FBXL7: variants seen among roughly 807,000 people sequenced by gnomAD.
FBXL7 encodes the protein F-box and leucine rich repeat protein 7.
In FBXL7, 12 loss-of-function variants were observed where a neutral mutation model predicts 38.3. The observed-to-expected ratio is 0.31, with a 90% CI of 0.20 to 0.51. The LOEUF (loss-of-function observed/expected upper bound fraction) is 0.51, where lower values mean the gene tolerates loss of function less well. Among genes scored for constraint, FBXL7 ranks in the 20% least tolerant of loss-of-function variants. The pLI is 0.98. For synonymous variants in FBXL7, 297 were observed against 300.9 expected, an observed-to-expected ratio of 0.99 and a Z score of 0.13; for missense variants, 567 against 676.4, an observed-to-expected ratio of 0.84 and a Z score of 1.79.
At position 15,894,014 on chromosome 5, in the gene FBXL7, G is replaced by A. The variant is rs534840422; in HGVS notation, c.128-33876G>A. Among the ~76,000 whole-genome samples, 7 of 152,370 alleles carry A rather than the reference G, an allele frequency of 4.6e-5. No individual in the cohort carries two copies. In the East Asian group the frequency reaches 5.8e-4, roughly 13 times the overall value. On this transcript the variant is annotated intron_variant, in intron 2 of 3. Coordinates refer to ENST00000504595, the MANE Select transcript of FBXL7 (RefSeq NM_012304.5). ...CATAGAATATTAGTCCCAGCCAGGC[G>A]CGGTGGCTTACGCCTGTAATCCCAA...
rs149945953 is a variant in FBXL7, at chr5:15,775,937, A to G, written c.128-151953A>G. 3.1e-3 allele frequency among the ~76,000 whole-genome samples: 466 copies of G among 152,256 alleles called. 4 individuals are homozygous for G. The Middle Eastern group carries it at 0.031, about 10-fold the overall frequency. On this transcript the variant is annotated intron_variant, in intron 2 of 3. Coordinates refer to ENST00000504595, the MANE Select transcript of FBXL7 (RefSeq NM_012304.5). ...ATCTGATTATGTGTTTTTCTACTTGAAGAGACTACGTTTTTAACTAGTAAG... is the reference window on the plus strand; with the variant it reads ...ATCTGATTATGTGTTTTTCTACTTGGAGAGACTACGTTTTTAACTAGTAAG...
At chr5:15,883,901 A>G (rs1008153857) in intron 2 of FBXL7, among the ~76,000 whole-genome samples, 11 of 152,248 alleles carry the variant, frequency 7.2e-5, no homozygotes, top group African/African-American at 2.7e-4. Context: ...TTAATTTTGT[A>G]TAAGGAAAGT....
At chr5:15,852,465 T>C (rs1739125408) in intron 2 of FBXL7, among the ~76,000 whole-genome samples, 1 of 152,188 alleles carries the variant, frequency 6.6e-6, no homozygotes, top group Non-Finnish European at 1.5e-5. Context: ...AGAAAGGGAA[T>C]CATTTGATAA....
chr5:15,769,805 A>G (rs1164212035), intron 2 of FBXL7, among the ~76,000 whole-genome samples: 1 of 152,058 alleles, frequency 6.6e-6, no homozygotes, highest in Non-Finnish European at 1.5e-5. Context: ...TAATAATACC[A>G]TATCAGTGTT....
At chr5:15,900,438 A>G (rs1707330315) in intron 2 of FBXL7, among the ~76,000 whole-genome samples, 1 of 152,210 alleles carries the variant, frequency 6.6e-6, no homozygotes, top group African/African-American at 2.4e-5. Flanking sequence ...TCGTGGTGCC[A>G]CTAGCCAAGC....
intron 2 of FBXL7, among the ~76,000 whole-genome samples, chr5:15,745,341 A>T (rs534481393): frequency 6.6e-6 from 1 of 152,322 alleles, no homozygotes; most frequent in South Asian, 2.1e-4. Context: ...GAAATAAAGC[A>T]ATTTATTTAA....
At chr5:15,833,068 T>C (rs553106193) in intron 2 of FBXL7, among the ~76,000 whole-genome samples, 72 of 152,318 alleles carry the variant, frequency 4.7e-4, no homozygotes, top group Admixed American at 2.7e-3. Context: ...ACCATGATTG[T>C]GAAGCCTCCC....
At chr5:15,764,066 C>G (rs928636988) in intron 2 of FBXL7, among the ~76,000 whole-genome samples, 4 of 152,176 alleles carry the variant, frequency 2.6e-5, no homozygotes, top group African/African-American at 7.2e-5. Context: ...GTCTCACAGA[C>G]AGTTTGAGTC....
rs1337791835 is a variant in FBXL7 at position 15,825,640 on chromosome 5, A to G, written c.128-102250A>G. 2.0e-5 allele frequency among the ~76,000 whole-genome samples: 3 copies of G among 152,190 alleles called. No homozygotes were observed. The East Asian group carries it at 5.8e-4, about 29-fold the overall frequency. ...TGTTGTAATATATAAAGCTATGGAA[A>G]TTTTATTTTAAGTGTTTCTTAATTT... On this transcript the variant is annotated intron_variant, in intron 2 of 3. Coordinates refer to ENST00000504595, the MANE Select transcript of FBXL7 (RefSeq NM_012304.5).
intron 2 of FBXL7, among the ~76,000 whole-genome samples, chr5:15,619,910 G>T (rs968246022): frequency 3.3e-5 from 5 of 152,204 alleles, no homozygotes; most frequent in African/African-American, 1.2e-4. Context: ...CCACACAGGT[G>T]TTGTCACTTC....
chr5:15,723,737 A>G (rs1744267026), intron 2 of FBXL7, among the ~76,000 whole-genome samples: 1 of 152,182 alleles, frequency 6.6e-6, no homozygotes, highest in African/African-American at 2.4e-5. Flanking sequence ...TTACTTTTTT[A>G]TAATGGTTGT....
At chr5:15,636,680 CTTT>C (rs35974559) in intron 2 of FBXL7, among the ~76,000 whole-genome samples, 18 of 134,156 alleles carry the variant, frequency 1.3e-4, no homozygotes, top group Non-Finnish European at 1.4e-4. Flanking sequence ...GGGCTAAAAC[CTTT>C]TTTTTTTTTT....
chr5:15,826,629 G>T (rs1474347101), intron 2 of FBXL7, among the ~76,000 whole-genome samples: 3 of 152,006 alleles, frequency 2.0e-5, no homozygotes, highest in Non-Finnish European at 2.9e-5. Context: ...ATGTTGGCCA[G>T]GCTGGTCCCA....
At position 15,787,598 on chromosome 5, in the gene FBXL7, T is replaced by G. The variant is rs918831977; in HGVS notation, c.128-140292T>G. 7.9e-5 allele frequency among the ~76,000 whole-genome samples: 12 copies of G among 152,180 alleles called. No individual in the cohort carries two copies. The East Asian group carries it at 2.3e-3, about 29-fold the overall frequency. ...AGAAATACAGAGAGCCTGAATTCAG[T>G]CAAATAGAGAGGTACTCTGTTGTTA... On this transcript the variant is annotated intron_variant, in intron 2 of 3. Coordinates refer to ENST00000504595, the MANE Select transcript of FBXL7 (RefSeq NM_012304.5).
At chr5:15,742,424 C>T (rs920439489) in intron 2 of FBXL7, among the ~76,000 whole-genome samples, 51 of 152,266 alleles carry the variant, frequency 3.3e-4, no homozygotes, top group African/African-American at 1.2e-3. Flanking sequence ...AGCTGAAGAA[C>T]GAATCTTATG....
In FBXL7 at chr5:15,912,207, G is replaced by A; in HGVS notation, c.128-15683G>A. Among the ~76,000 whole-genome samples, 2 of 63,454 alleles carry A rather than the reference G, an allele frequency of 3.2e-5. 1 individual carries two copies. Among genetic ancestry groups the A allele is most frequent in the East Asian group, 6.9e-4 (2 of 2,902 alleles). The allele number at this position is 63,454 out of a possible 152,430, so 41.6% of individuals were successfully genotyped here. On this transcript the variant is annotated intron_variant, in intron 2 of 3. Transcript: ENST00000504595. ...GTGGGCGTAGGACCCTCTGAGCCAG[G>A]TGTGGGATATAGTCTCGTGGTGCGC...
chr5:15,597,569 A>C (rs2126488775), intron 1 of FBXL7, among the ~76,000 whole-genome samples: 1 of 152,142 alleles, frequency 6.6e-6, no homozygotes, highest in East Asian at 1.9e-4. Context: ...AGGCCTACAA[A>C]TTACGTTCCA....
chr5:15,661,491 G>A (rs977572580), intron 2 of FBXL7, among the ~76,000 whole-genome samples: 3 of 152,120 alleles, frequency 2.0e-5, no homozygotes. Context: ...AGGAAGCAAA[G>A]CATTGTCTTC....
chr5:15,612,238 A>G (rs188082066), intron 1 of FBXL7, among the ~76,000 whole-genome samples: 74 of 152,160 alleles, frequency 4.9e-4, no homozygotes, highest in African/African-American at 1.7e-3. Context: ...AAAAAAGTCT[A>G]AACAGTTTCC....
Sources: allele counts gnomAD v4.1 joint callset (sites outside exome capture counted in the v4.1 genomes callset), GRCh38; gene constraint gnomAD v4.1.1; transcripts MANE v1.5; gene names NCBI Gene and HGNC (gene_info 2026-07-23, HGNC 2026-07-21).